IBA57: variants seen among roughly 807,000 people sequenced by gnomAD.
The protein encoded by IBA57 is iron-sulfur cluster assembly factor IBA57, mitochondrial.
In IBA57, 20 loss-of-function variants were observed where a neutral mutation model predicts 20.4. The observed-to-expected ratio is 0.98, with a 90% CI of 0.69 to 1.42. The LOEUF is 1.42. IBA57 is among the 40% of genes most tolerant of loss of function. The probability of loss-of-function intolerance (pLI) is 0.00; values close to 1 mark genes in which losing one functional copy is unlikely to be tolerated. For missense variants in IBA57, 608 were observed against 499.3 expected, an observed-to-expected ratio of 1.22 and a Z score of -2.07; for synonymous variants, 310 against 233.9, an observed-to-expected ratio of 1.33 and a Z score of -2.97.
At chr1:228,166,899 C>G (rs2034861307) in intron 1 of IBA57, among the ~76,000 whole-genome samples, 1 of 152,136 alleles carries the variant, frequency 6.6e-6, no homozygotes, top group Admixed American at 6.5e-5. Context: ...TCAGCTTACT[C>G]CTGTGTTTTG....
chr1:228,165,926 G>A lies in IBA57; in HGVS notation c.110G>A (p.Ser37Asn). 6.7e-7 allele frequency: 1 copy of A among 1,497,648 alleles called. No individual in the cohort carries two copies. Among genetic ancestry groups the A allele is most frequent in the Non-Finnish European group, 8.8e-7 (1 of 1,130,540 alleles). The allele number at this position is 1,497,648 out of a possible 1,614,324, so 92.8% of individuals were successfully genotyped here. ...TGCCGCCTGGCCCACAGCTCCTGCA[G>A]TCCTGGTGGCGACCCAACGGCCGGA... is the stretch of plus-strand genomic sequence containing the variant. ...PRCRLAHSSC[S>N]PGGDPTAGAA... is the part of the protein sequence containing the mutation. The change falls in exon 1 of 3, where the codon AGT becomes AAT. Residue 37 changes from serine to asparagine, a missense_variant. Coordinates refer to ENST00000366711, the MANE Select transcript of IBA57 (RefSeq NM_001010867.4).
rs1319740667 is a variant in IBA57, at chr1:228,181,386, A to G, written c.*5873A>G. ...AGGCCCACTCCTGTGAGCTGCCTCT[A>G]GTTCCCCAGGCCACAGACTCCATCA... On this transcript the variant is annotated 3_prime_UTR_variant, in exon 3 of 3. Transcript: ENST00000366711. 6.6e-6 allele frequency: 1 copy of G among 152,284 alleles called. No individual in the cohort carries two copies. The highest frequency in any genetic ancestry group is 1.5e-5 in the Non-Finnish European group (1 of 68,090). The allele number at this position is 152,284 out of a possible 1,614,324, so 9.4% of individuals were successfully genotyped here. A position where few individuals can be genotyped will look rare whatever the true frequency, so the allele number is the denominator to read the frequency against.
chr1:228,166,415 C>A (rs2034854435), intron 1 of IBA57, among the ~76,000 whole-genome samples: 1 of 152,158 alleles, frequency 6.6e-6, no homozygotes, highest in African/African-American at 2.4e-5. Context: ...GGAGGGCACC[C>A]AGAGGAGGGC....
In IBA57 at chr1:228,181,702, A is replaced by C. The variant is rs1434488424; in HGVS notation, c.*6189A>C. 2 of 152,254 alleles carry C rather than the reference A, an allele frequency of 1.3e-5. No individual in the cohort carries two copies. Among genetic ancestry groups the C allele is most frequent in the Non-Finnish European group, 2.9e-5 (2 of 68,048 alleles). The allele number at this position is 152,254 out of a possible 1,614,324, so 9.4% of individuals were successfully genotyped here. On this transcript the variant is annotated 3_prime_UTR_variant, in exon 3 of 3. Coordinates refer to ENST00000366711, the MANE Select transcript of IBA57 (RefSeq NM_001010867.4). ...AACTGCCAGACATTTTCCCGGAGTGAGTGCAGCATTTACATTCCCACCAGA... is the reference window on the plus strand; with the variant it reads ...AACTGCCAGACATTTTCCCGGAGTGCGTGCAGCATTTACATTCCCACCAGA...
rs766543775 is a variant in IBA57 at position 228,175,550 on chromosome 1, T to G, written c.*37T>G. On this transcript the variant is annotated 3_prime_UTR_variant, in exon 3 of 3. Transcript: ENST00000366711. ...GGCTGGCGCAGGCTGATGGGGAGGC[T>G]GGGGCCTGGGGCCTTTGGCCTCTGT... is the stretch of plus-strand genomic sequence containing the variant. The G allele has an allele frequency of 6.6e-7, 1 of 1,521,142 alleles. No homozygotes were observed. Among genetic ancestry groups the G allele is most frequent in the East Asian group, 2.3e-5 (1 of 44,054 alleles). 94.2% of individuals were successfully genotyped at this position (1,521,142 alleles called of 1,614,324 possible).
Position 228,180,192 on chromosome 1 carries a change from A to G in IBA57, c.*4679A>G, listed in dbSNP as rs1340836951. The G allele has an allele frequency of 6.6e-6, 1 of 150,704 alleles. No individual in the cohort carries two copies. Among genetic ancestry groups the G allele is most frequent in the Non-Finnish European group, 1.5e-5 (1 of 67,828 alleles). 9.3% of individuals were successfully genotyped at this position (150,704 alleles called of 1,614,324 possible). On this transcript the variant is annotated 3_prime_UTR_variant, in exon 3 of 3. Transcript: ENST00000366711. ...AAAAAAAAAAAAAAAAAAGAGGGCTAAACGCATTTTCATACCACGAAACTG... is the reference window on the plus strand; with the variant it reads ...AAAAAAAAAAAAAAAAAAGAGGGCTGAACGCATTTTCATACCACGAAACTG...
At chr1:228,167,173 A>G (rs1353523165) in intron 1 of IBA57, among the ~76,000 whole-genome samples, 1 of 152,156 alleles carries the variant, frequency 6.6e-6, no homozygotes, top group African/African-American at 2.4e-5. Flanking sequence ...GTGAAATGTC[A>G]TGCTGATGTG....
chr1:228,171,326 G>C (rs2034924728), intron 1 of IBA57: 1 of 152,316 alleles, frequency 6.6e-6, no homozygotes, highest in Non-Finnish European at 1.5e-5. Flanking sequence ...TCTCCTGTGA[G>C]GCAAGTCTCC....
In IBA57 at chr1:228,179,748, A is replaced by G. The variant is rs1367417865; in HGVS notation, c.*4235A>G. 1 of 150,184 alleles carries G rather than the reference A, an allele frequency of 6.7e-6. No individual in the cohort carries two copies. The highest frequency in any genetic ancestry group is 2.5e-5 in the African/African-American group (1 of 39,494). 9.3% of individuals were successfully genotyped at this position (150,184 alleles called of 1,614,324 possible). On this transcript the variant is annotated 3_prime_UTR_variant, in exon 3 of 3. Coordinates refer to ENST00000366711, the MANE Select transcript of IBA57 (RefSeq NM_001010867.4). ...AAAGAGATTATCTGGAAAGAAGAAA[A>G]TAAGTAGTTGATTAAAAGCAACAGT...
intron 2 of IBA57, 38 bp downstream of exon 2, chr1:228,175,067 G>A (rs2034990850): frequency 6.3e-7 from 1 of 1,577,060 alleles, no homozygotes; most frequent in African/African-American, 1.3e-5. Flanking sequence ...GGATTGCACG[G>A]GTGGAGCTGG....
rs779428142 is a variant in IBA57 at position 228,165,935 on chromosome 1, G to C, written c.119G>C (p.Gly40Ala). The C allele has an allele frequency of 6.7e-7, 1 of 1,500,818 alleles. No homozygotes were observed. The allele number at this position is 1,500,818 out of a possible 1,614,324, so 93.0% of individuals were successfully genotyped here. ...GCCCACAGCTCCTGCAGTCCTGGTGGCGACCCAACGGCCGGAGCGGCCTGG... is the reference window on the plus strand; with the variant it reads ...GCCCACAGCTCCTGCAGTCCTGGTGCCGACCCAACGGCCGGAGCGGCCTGG... ...RLAHSSCSPG[G>A]DPTAGAAWAC... The change falls in exon 1 of 3, where the codon GGC (glycine) becomes GCC (alanine). Residue 40 changes from glycine to alanine, a missense_variant. Physicochemically the swap from Gly to Ala is moderately conservative, Grantham distance 60. Coordinates refer to ENST00000366711, the MANE Select transcript of IBA57 (RefSeq NM_001010867.4).
Position 228,175,641 on chromosome 1 carries a change from AAAG to A in IBA57, c.*129_*131del. The stretch of plus-strand genomic sequence containing the variant: ...GTGGGAGCCCTGGTTTCCATCTGGG[AAAG>A]TCCCCCTTGTAGGTGCCCTGCCTGG... On this transcript the variant is annotated 3_prime_UTR_variant, in exon 3 of 3. Transcript: ENST00000366711. 1 of 1,271,386 alleles carries A rather than the reference AAAG, an allele frequency of 7.9e-7. No homozygotes were observed. Among genetic ancestry groups the A allele is most frequent in the Non-Finnish European group, 1.0e-6 (1 of 956,236 alleles). 78.8% of individuals were successfully genotyped at this position (1,271,386 alleles called of 1,614,324 possible).
In IBA57 at chr1:228,179,375, A is replaced by T. The variant is rs1334752172; in HGVS notation, c.*3862A>T. On this transcript the variant is annotated 3_prime_UTR_variant, in exon 3 of 3. Transcript: ENST00000366711. ...AATAAAATACTCTAAAAAATATTCC[A>T]TGATGTGTTTCCTGAAGAATCGGGA... The T allele has an allele frequency of 1.3e-5, 2 of 152,240 alleles. No individual in the cohort carries two copies. The highest frequency in any genetic ancestry group is 3.8e-4 in the East Asian group (2 of 5,206). The allele number at this position is 152,240 out of a possible 1,614,324, so 9.4% of individuals were successfully genotyped here.
chr1:228,176,867 G>A lies in IBA57; in HGVS notation c.*1354G>A, dbSNP rs74142625. The stretch of plus-strand genomic sequence containing the variant: ...AGCGGCTGCAGCTGGAGGGAAGAGA[G>A]GGGCCGTCCAGCCTCACCCGCTGCA... On this transcript the variant is annotated 3_prime_UTR_variant, in exon 3 of 3. Transcript: ENST00000366711. 461 of 152,662 alleles carry A rather than the reference G, an allele frequency of 3.0e-3. 3 individuals carry two copies. The highest frequency in any genetic ancestry group is 0.015 in the East Asian group (80 of 5,190). 9.5% of individuals were successfully genotyped at this position (152,662 alleles called of 1,614,324 possible).
rs933445077 is a variant in IBA57 at position 228,165,925 on chromosome 1, A to C, written c.109A>C (p.Ser37Arg). The change falls in exon 1 of 3, where the codon AGT becomes CGT. Residue 37 changes from serine to arginine, a missense_variant. Transcript: ENST00000366711. ...GTGCCGCCTGGCCCACAGCTCCTGCAGTCCTGGTGGCGACCCAACGGCCGG... is the reference window on the plus strand; with the variant it reads ...GTGCCGCCTGGCCCACAGCTCCTGCCGTCCTGGTGGCGACCCAACGGCCGG... The part of the protein sequence containing the change: ...PRCRLAHSSC[S>R]PGGDPTAGAA... The C allele has an allele frequency of 6.7e-6, 10 of 1,489,642 alleles. No homozygotes were observed. The highest frequency in any genetic ancestry group is 8.9e-6 in the Non-Finnish European group (10 of 1,126,342). 92.3% of individuals were successfully genotyped at this position (1,489,642 alleles called of 1,614,324 possible).
chr1:228,174,067 C>G (rs1368347718), intron 1 of IBA57, among the ~76,000 whole-genome samples: 4 of 152,006 alleles, frequency 2.6e-5, no homozygotes, highest in Non-Finnish European at 4.4e-5. Context: ...CCAAGGTGCC[C>G]GCATCTAGCT....
At position 228,181,186 on chromosome 1, in the gene IBA57, C is replaced by T. The variant is rs139660716; in HGVS notation, c.*5673C>T. 1 of 152,258 alleles carries T rather than the reference C, an allele frequency of 6.6e-6. No individual in the cohort carries two copies. Among genetic ancestry groups the T allele is most frequent in the Non-Finnish European group, 1.5e-5 (1 of 68,076 alleles). 9.4% of individuals were successfully genotyped at this position (152,258 alleles called of 1,614,324 possible). A position where few individuals can be genotyped will look rare whatever the true frequency, so the allele number is the denominator to read the frequency against. On this transcript the variant is annotated 3_prime_UTR_variant, in exon 3 of 3. Transcript: ENST00000366711. ...TGTGCCTCTCTTGCCCTCCAGTGTTCAAAGCACCATCTTGGAGGTGGAATT... is the reference window on the plus strand; with the variant it reads ...TGTGCCTCTCTTGCCCTCCAGTGTTTAAAGCACCATCTTGGAGGTGGAATT...
chr1:228,174,164 T>TG (rs1392717228), intron 1 of IBA57, among the ~76,000 whole-genome samples: 3 of 117,930 alleles, frequency 2.5e-5, no homozygotes, highest in African/African-American at 1.1e-4. Context: ...TGGCTCGCTG[T>TG]GGGCGTGGCT....
rs1418999470 is a variant in IBA57, at chr1:228,174,864, G to A, written c.514G>A (p.Ala172Thr). 1 of 1,609,606 alleles carries A rather than the reference G, an allele frequency of 6.2e-7. No individual in the cohort carries two copies. The highest frequency in any genetic ancestry group is 1.7e-5 in the Admixed American group (1 of 59,760). Residue 172 changes from alanine to threonine, a missense_variant, in exon 2 of 3, where the codon GCT (alanine) becomes ACT (threonine). Physicochemically the swap from Ala to Thr is moderately conservative, Grantham distance 58. Transcript: ENST00000366711. Reference sequence around the variant, plus strand: ...GCCCAGTTCCCCTGAGGCCTGCGGGGCTGCATCGCTGCAGGAGAGGGCAGG... The same window carrying A: ...GCCCAGTTCCCCTGAGGCCTGCGGGACTGCATCGCTGCAGGAGAGGGCAGG... ...VLPSSPEACGAASLQERAGAA... is the reference protein window; with the variant it reads ...VLPSSPEACGTASLQERAGAA...
Sources: allele counts gnomAD v4.1 joint callset (sites outside exome capture counted in the v4.1 genomes callset), GRCh38; gene constraint gnomAD v4.1.1; transcripts MANE v1.5; gene names NCBI Gene and HGNC (gene_info 2026-07-23, HGNC 2026-07-21).